Variants in WNK3 observed in about 807,000 individuals in gnomAD.
The protein encoded by WNK3 is WNK lysine deficient protein kinase 3, also known as serine/threonine-protein kinase WNK3.
WNK3 carries 18 observed loss-of-function variants against 116.7 expected under a neutral mutation model. The observed-to-expected ratio is 0.15, with a 90% CI of 0.11 to 0.23. The LOEUF (loss-of-function observed/expected upper bound fraction) is 0.23, where lower values mean the gene tolerates loss of function less well. Among genes scored for constraint, WNK3 ranks in the 10% least tolerant of loss-of-function variants. WNK3 has a pLI of 1.00. For missense variants in WNK3, 993 were observed against 1,323.8 expected (o/e 0.75, Z 3.88); for synonymous variants, 404 against 469.4 (o/e 0.86, Z 1.80).
chrX:54,224,340 G>A (rs1165348467), intron 22 of WNK3, among the ~76,000 whole-genome samples: 1 of 100,703 alleles, frequency 9.9e-6, no homozygotes, highest in Non-Finnish European at 2.0e-5. Context: ...CAACAAGAGC[G>A]AAACTCCATC....
chrX:54,222,915 A>AATAATAATATAT (rs1491230973), intron 22 of WNK3, among the ~76,000 whole-genome samples: 2 of 81,042 alleles, frequency 2.5e-5, no homozygotes, highest in African/African-American at 5.8e-5. Context: ...TAATAATAAT[A>AATAATAATATAT]ATATATATAT....
At chrX:54,342,776 G>A (rs782377536) in intron 1 of WNK3, among the ~76,000 whole-genome samples, 4 of 110,670 alleles carry the variant, frequency 3.6e-5, no homozygotes, top group Non-Finnish European at 5.7e-5. Context: ...GGTAAACAAC[G>A]AATAAGAAAA....
chrX:54,266,279 T>C (rs1557157697), intron 10 of WNK3, among the ~76,000 whole-genome samples: 1 of 109,606 alleles, frequency 9.1e-6, no homozygotes, highest in East Asian at 2.9e-4. Flanking sequence ...AGTAGAAGGA[T>C]GGTTACCAGA....
chrX:54,272,203 G>C (rs1440482604), intron 10 of WNK3, among the ~76,000 whole-genome samples: 1 of 111,961 alleles, frequency 8.9e-6, no homozygotes, highest in Non-Finnish European at 1.9e-5. Context: ...CCATGTAATG[G>C]AATTAACTAC....
At chrX:54,222,470 G>T (rs2146798315) in intron 22 of WNK3, among the ~76,000 whole-genome samples, 1 of 107,340 alleles carries the variant, frequency 9.3e-6, no homozygotes, top group South Asian at 4.3e-4. Flanking sequence ...GATGTGGGAG[G>T]ATAACTTGAG....
At chrX:54,259,631 C>T (rs1363687020) in intron 10 of WNK3, among the ~76,000 whole-genome samples, 3 of 111,603 alleles carry the variant, frequency 2.7e-5, no homozygotes, top group East Asian at 5.6e-4. Context: ...ACACTACTAT[C>T]GAGCTTCCAG....
In WNK3 at chrX:54,201,975, G is replaced by A. The variant is rs1557141724; in HGVS notation, c.5073+16C>T. 8 of 1,197,239 alleles carry A rather than the reference G, an allele frequency of 6.7e-6. No homozygotes were observed. The highest frequency in any genetic ancestry group is 9.0e-6 in the Non-Finnish European group (8 of 884,328). On this transcript the variant is annotated intron_variant, in intron 23 of 23. Transcript: ENST00000354646. ...TAGTTCTTGTAAACAAAGTGAATTG[G>A]GTATAAACAACTTACTTCAGATACT...
At chrX:54,283,542 G>C (rs2147076134) in intron 10 of WNK3, among the ~76,000 whole-genome samples, 1 of 110,792 alleles carries the variant, frequency 9.0e-6, no homozygotes, top group African/African-American at 3.3e-5. Context: ...GGCCGAGGCG[G>C]GTGGATCACG....
chrX:54,351,583 C>T (rs1362143118), intron 1 of WNK3, among the ~76,000 whole-genome samples: 1 of 110,305 alleles, frequency 9.1e-6, no homozygotes, highest in African/African-American at 3.3e-5. Flanking sequence ...CCAGCTTGGG[C>T]AACATAGCAA....
intron 10 of WNK3, among the ~76,000 whole-genome samples, chrX:54,284,831 G>A (rs1049877044): frequency 3.6e-5 from 4 of 110,286 alleles, no homozygotes; most frequent in Non-Finnish European, 7.6e-5. Flanking sequence ...TTAGCCGGGC[G>A]TGGTGGCTCA....
intron 2 of WNK3, among the ~76,000 whole-genome samples, chrX:54,318,370 A>G (rs1199268218): frequency 9.1e-6 from 1 of 109,646 alleles, no homozygotes; most frequent in Non-Finnish European, 1.9e-5. Flanking sequence ...AAAAAAAAAA[A>G]AAAGGTTAAG....
intron 22 of WNK3, among the ~76,000 whole-genome samples, chrX:54,227,527 A>C (rs1341208153): frequency 8.9e-6 from 1 of 112,312 alleles, no homozygotes; most frequent in Non-Finnish European, 1.9e-5. Context: ...GTAATTCCTC[A>C]AAAGATTAAA....
intron 8 of WNK3, 54 bp from the exon 9 acceptor site, chrX:54,293,381 T>C: frequency 9.9e-7 from 1 of 1,011,542 alleles, no homozygotes; most frequent in Non-Finnish European, 1.3e-6. Context: ...AAGCACAAAA[T>C]GTCCAAATGG....
chrX:54,217,315 C>CAA (rs782153999), intron 22 of WNK3, among the ~76,000 whole-genome samples: 19 of 49,937 alleles, frequency 3.8e-4, no homozygotes, highest in South Asian at 1.2e-3. Context: ...AAGACTCCAT[C>CAA]AAAAAAAAAA....
chrX:54,336,446 T>C (rs1265723014), intron 1 of WNK3, among the ~76,000 whole-genome samples: 2 of 107,955 alleles, frequency 1.9e-5, no homozygotes, highest in African/African-American at 6.8e-5. Flanking sequence ...TGCAAAAGAA[T>C]GAAGTCAGAT....
In WNK3 at chrX:54,308,977, A is replaced by G. The variant is rs2068856517; in HGVS notation, c.931+118T>C. The G allele has an allele frequency of 6.0e-5, 34 of 563,151 alleles. No individual in the cohort carries two copies. In the South Asian group the frequency reaches 9.7e-4, roughly 16 times the overall value. The allele number at this position is 563,151 out of a possible 1,213,427, so 46.4% of individuals were successfully genotyped here. A position where few individuals can be genotyped will look rare whatever the true frequency, so the allele number is the denominator to read the frequency against. ...GTGTTCTAATAAAATTCGATTTACA[A>G]AAACAGGCAGTGAGCCACATTCATC... On this transcript the variant is annotated intron_variant, in intron 4 of 23. Coordinates refer to ENST00000354646, the Ensembl canonical transcript of WNK3.
chrX:54,207,447 T>G (rs1265192753), intron 22 of WNK3, among the ~76,000 whole-genome samples: 3 of 110,461 alleles, frequency 2.7e-5, no homozygotes, highest in Non-Finnish European at 5.7e-5. Context: ...CTTAATATCA[T>G]GAAATTCTAT....
chrX:54,330,851 T>A (rs1260476878), intron 2 of WNK3, among the ~76,000 whole-genome samples: 4 of 105,514 alleles, frequency 3.8e-5, no homozygotes, highest in African/African-American at 6.9e-5. Flanking sequence ...AAAAAAAAAA[T>A]ACAAAAACAA....
At chrX:54,268,769 G>A (rs184389835) in intron 10 of WNK3, among the ~76,000 whole-genome samples, 64 of 110,463 alleles carry the variant, frequency 5.8e-4, no homozygotes, top group African/African-American at 1.9e-3. Flanking sequence ...AATAAAATAA[G>A]GTCCCCATGA....
Sources: allele counts gnomAD v4.1 joint callset (sites outside exome capture counted in the v4.1 genomes callset), GRCh38; gene constraint gnomAD v4.1.1; transcripts MANE v1.5; gene names NCBI Gene and HGNC (gene_info 2026-07-23, HGNC 2026-07-21).